C12orf42: variants seen among roughly 807,000 people sequenced by gnomAD.
C12orf42 encodes uncharacterized protein C12orf42.
In C12orf42, 25 loss-of-function variants were observed where a neutral mutation model predicts 21.6. The ratio of observed to expected loss-of-function variants is 1.16; its 90% CI spans 0.84 to 1.62. The LOEUF (loss-of-function observed/expected upper bound fraction) is 1.62. Ranked by LOEUF, C12orf42 falls within the 40% of genes most tolerant of loss-of-function variation. The pLI is 0.00. For missense variants in C12orf42, 483 were observed against 459.3 expected, an observed-to-expected ratio of 1.05 and a Z score of -0.47; for synonymous variants, 174 against 175.0, an observed-to-expected ratio of 0.99 and a Z score of 0.05.
At chr12:103,112,532 G>A in the C12orf42 span, among the ~76,000 whole-genome samples, 1 of 152,052 alleles carries the variant, frequency 6.6e-6, no homozygotes, top group African/African-American at 2.4e-5. Flanking sequence ...ATGGTGGCAA[G>A]CACCTGTAAT....
chr12:103,399,878 A>G (rs2047848730), intron 3 of C12orf42, among the ~76,000 whole-genome samples: 1 of 152,158 alleles, frequency 6.6e-6, no homozygotes, highest in East Asian at 1.9e-4. Context: ...AGGTTATCTG[A>G]CATATATGAT....
At chr12:103,074,154 G>C in the C12orf42 span, among the ~76,000 whole-genome samples, 2 of 152,132 alleles carry the variant, frequency 1.3e-5, no homozygotes, top group Non-Finnish European at 2.9e-5. Flanking sequence ...ATAATGAGGA[G>C]TTGTGAACTA....
the C12orf42 span, among the ~76,000 whole-genome samples, chr12:103,194,076 A>G: frequency 1.3e-5 from 2 of 152,274 alleles, no homozygotes; most frequent in South Asian, 4.1e-4. Flanking sequence ...ATAAAATCAT[A>G]TTATCATCTC....
the C12orf42 span, among the ~76,000 whole-genome samples, chr12:103,506,635 T>C: frequency 5.4e-3 from 815 of 150,448 alleles, 7 homozygotes; most frequent in Middle Eastern, 0.017. Flanking sequence ...AAGTACAATC[T>C]ATGATGTTCA....
At chr12:103,381,638 G>T (rs533229875) in intron 3 of C12orf42, among the ~76,000 whole-genome samples, 1 of 152,184 alleles carries the variant, frequency 6.6e-6, no homozygotes, top group Non-Finnish European at 1.5e-5. Flanking sequence ...TTTATCTTGG[G>T]CCGGGTTGGT....
At chr12:103,242,887 A>G (rs941043844) in intron 10 of C12orf42, among the ~76,000 whole-genome samples, 6 of 152,200 alleles carry the variant, frequency 3.9e-5, no homozygotes, top group Non-Finnish European at 8.8e-5. Flanking sequence ...GAAGTTTGCT[A>G]ATAAAAATTC....
At chr12:103,461,224 C>T (rs1325318588) in intron 2 of C12orf42, among the ~76,000 whole-genome samples, 3 of 151,960 alleles carry the variant, frequency 2.0e-5, no homozygotes, top group East Asian at 1.9e-4. Context: ...TGCAAAAGAC[C>T]GCTGGCAGTC....
At chr12:103,265,998 G>A (rs1240676729), downstream of C12orf42, among the ~76,000 whole-genome samples, 2 of 151,980 alleles carry the variant, frequency 1.3e-5, no homozygotes, top group African/African-American at 4.8e-5. Context: ...ATCTACCCCT[G>A]GATTAGACAC....
At chr12:103,225,018 A>C in the C12orf42 span, among the ~76,000 whole-genome samples, 1 of 152,280 alleles carries the variant, frequency 6.6e-6, no homozygotes. Context: ...GCTTGACTGA[A>C]GTAATGGGGG....
At chr12:103,503,079 AAC>A in the C12orf42 span, among the ~76,000 whole-genome samples, 1 of 152,220 alleles carries the variant, frequency 6.6e-6, no homozygotes, top group African/African-American at 2.4e-5. Context: ...TTCTTCGTAG[AAC>A]AGTTATGATC....
At chr12:103,311,367 G>T (rs2038958260) in intron 4 of C12orf42, among the ~76,000 whole-genome samples, 1 of 151,460 alleles carries the variant, frequency 6.6e-6, no homozygotes, top group African/African-American at 2.4e-5. Context: ...CAGGCCAATA[G>T]AAGTGATCCT....
intron 2 of C12orf42, among the ~76,000 whole-genome samples, chr12:103,446,462 G>A (rs532170346): frequency 6.6e-6 from 1 of 151,834 alleles, no homozygotes. Context: ...TTTAAAAAAG[G>A]TATTCAGGCA....
At chr12:103,267,351 G>T (rs1227823004), downstream of C12orf42, among the ~76,000 whole-genome samples, 1 of 152,014 alleles carries the variant, frequency 6.6e-6, no homozygotes, top group Non-Finnish European at 1.5e-5. Context: ...CTCAGTGTAG[G>T]CCAGGCACTA....
chr12:103,319,241 C>T (rs139046859), intron 4 of C12orf42, among the ~76,000 whole-genome samples: 12 of 152,102 alleles, frequency 7.9e-5, no homozygotes, highest in East Asian at 3.8e-4. Context: ...AGAAAAAAAG[C>T]GAAAATGTTT....
At chr12:103,378,227 G>A (rs2045873319) in intron 3 of C12orf42, among the ~76,000 whole-genome samples, 1 of 152,168 alleles carries the variant, frequency 6.6e-6, no homozygotes, top group African/African-American at 2.4e-5. Context: ...GTTTAGGGAA[G>A]GGGATATAAA....
chr12:103,254,938 T>A (rs1469452440), intron 10 of C12orf42, among the ~76,000 whole-genome samples: 1 of 152,244 alleles, frequency 6.6e-6, no homozygotes, highest in South Asian at 2.1e-4. Flanking sequence ...AAAAATTTTT[T>A]TAAATTATAA....
At chr12:103,507,659 C>A in the C12orf42 span, among the ~76,000 whole-genome samples, 1 of 145,000 alleles carries the variant, frequency 6.9e-6, no homozygotes, top group Non-Finnish European at 1.5e-5. Flanking sequence ...GCCTAGGGAA[C>A]ACAGTAAGAC....
At chr12:103,541,960 A>G in the C12orf42 span, among the ~76,000 whole-genome samples, 1 of 152,228 alleles carries the variant, frequency 6.6e-6, no homozygotes, top group Non-Finnish European at 1.5e-5. Context: ...GGCATGGCCC[A>G]TTCCACCACA....
chr12:103,442,405 C>T (rs1428028885), intron 2 of C12orf42, among the ~76,000 whole-genome samples: 1 of 152,126 alleles, frequency 6.6e-6, no homozygotes, highest in Non-Finnish European at 1.5e-5. Flanking sequence ...TGCAAGTCAA[C>T]AACAGGTTGC....
Sources: allele counts gnomAD v4.1 joint callset (sites outside exome capture counted in the v4.1 genomes callset), GRCh38; gene constraint gnomAD v4.1.1; transcripts MANE v1.5; gene names NCBI Gene and HGNC (gene_info 2026-07-23, HGNC 2026-07-21).